The following MLIP variants were observed in gnomAD, a reference collection of about 807,000 sequenced individuals.
MLIP encodes muscular LMNA interacting protein.
Under a neutral mutation model 84.8 loss-of-function variants are expected in MLIP, and 79 were observed. That is an observed-to-expected ratio of 0.93 (90% CI 0.78 to 1.12). MLIP has a LOEUF of 1.12. MLIP is among the 50% of genes most tolerant of loss of function. The pLI is 0.00. For missense variants in MLIP, 1,257 were observed against 1,160.6 expected (o/e 1.08, Z -1.21); for synonymous variants, 504 against 463.0 (o/e 1.09, Z -1.14).
At chr6:54,045,976 G>A (rs892351384) in intron 1 of MLIP, 2 of 152,144 alleles carry the variant, frequency 1.3e-5, no homozygotes, top group African/African-American at 2.4e-5. Flanking sequence ...ACAGCAGTGC[G>A]AGAATGGACT....
At chr6:54,172,991 G>A (rs985050581) in intron 9 of MLIP, among the ~76,000 whole-genome samples, 1 of 151,700 alleles carries the variant, frequency 6.6e-6, no homozygotes, top group African/African-American at 2.4e-5. Context: ...TGAGCCTTAG[G>A]TCACTAGCAG....
chr6:54,234,169 G>T (rs1051099341), intron 12 of MLIP, among the ~76,000 whole-genome samples: 4 of 152,054 alleles, frequency 2.6e-5, no homozygotes, highest in Non-Finnish European at 4.4e-5. Context: ...AGGTTAAGAG[G>T]ATGATGCCTC....
chr6:54,228,043 C>A (rs892840840), intron 11 of MLIP, among the ~76,000 whole-genome samples: 1 of 151,504 alleles, frequency 6.6e-6, no homozygotes, highest in Non-Finnish European at 1.5e-5. Context: ...ATTAGCCGGG[C>A]GTGGTGGTGG....
chr6:54,038,691 C>T (rs2150297417), intron 1 of MLIP, among the ~76,000 whole-genome samples: 1 of 151,960 alleles, frequency 6.6e-6, no homozygotes, highest in African/African-American at 2.4e-5. Flanking sequence ...ACTTTGCTCT[C>T]TGCTTTCAGA....
At chr6:54,092,480 A>G (rs1767931489) in intron 1 of MLIP, among the ~76,000 whole-genome samples, 1 of 152,166 alleles carries the variant, frequency 6.6e-6, no homozygotes, top group African/African-American at 2.4e-5. Context: ...TAGATAGGCA[A>G]GTAGTACCGT....
At chr6:54,239,439 C>A (rs1200963006) in intron 12 of MLIP, among the ~76,000 whole-genome samples, 1 of 146,972 alleles carries the variant, frequency 6.8e-6, no homozygotes, top group African/African-American at 2.6e-5. Flanking sequence ...TATATGTATA[C>A]AATGTTTTGT....
intron 11 of MLIP, chr6:54,216,774 A>G: frequency 1.0e-6 from 1 of 985,434 alleles, no homozygotes; most frequent in Non-Finnish European, 1.2e-6. Flanking sequence ...GTTTCTAAGC[A>G]AGAAGATATG....
chr6:54,177,068 C>A (rs753762156), intron 9 of MLIP, among the ~76,000 whole-genome samples: 1 of 152,126 alleles, frequency 6.6e-6, no homozygotes, highest in Non-Finnish European at 1.5e-5. Flanking sequence ...GAATTAAAGA[C>A]TTAAATGTAA....
chr6:54,083,298 A>G, intron 1 of MLIP: 1 of 436,550 alleles, frequency 2.3e-6, no homozygotes, highest in Non-Finnish European at 3.8e-6. Context: ...CTCAATTTCC[A>G]GGCAAAGAGT....
rs543702026 is a variant in MLIP, at chr6:54,158,029, A to T, written c.2290-2338A>T. ...TGGGATGGTAAAATTTTATCTTTTAAAGTCACTTTTCTGAATTCTTAGGGT... is the reference window on the plus strand; with the variant it reads ...TGGGATGGTAAAATTTTATCTTTTATAGTCACTTTTCTGAATTCTTAGGGT... On this transcript the variant is annotated intron_variant, in intron 5 of 13. Coordinates refer to ENST00000502396, the MANE Select transcript of MLIP (RefSeq NM_001281747.2). Among the ~76,000 whole-genome samples, 4 of 152,172 alleles carry T rather than the reference A, an allele frequency of 2.6e-5. No individual in the cohort carries two copies. In the South Asian group the frequency reaches 8.3e-4, roughly 32 times the overall value.
chr6:54,155,374 A>G (rs1264835767), intron 5 of MLIP, among the ~76,000 whole-genome samples: 2 of 152,164 alleles, frequency 1.3e-5, no homozygotes, highest in African/African-American at 2.4e-5. Flanking sequence ...ATAGCAGGTC[A>G]TATTAACAAA....
intron 1 of MLIP, among the ~76,000 whole-genome samples, chr6:54,074,864 T>A (rs1766701577): frequency 6.6e-6 from 1 of 152,108 alleles, no homozygotes; most frequent in African/African-American, 2.4e-5. Flanking sequence ...AAGCAGTCAA[T>A]AAAAGGAAGT....
chr6:54,221,904 T>A (rs906037008), intron 11 of MLIP, among the ~76,000 whole-genome samples: 1 of 151,970 alleles, frequency 6.6e-6, no homozygotes, highest in Non-Finnish European at 1.5e-5. Context: ...TATACACAAA[T>A]TTATCTGATC....
At chr6:54,208,319 C>T (rs980140123) in intron 11 of MLIP, among the ~76,000 whole-genome samples, 34 of 152,164 alleles carry the variant, frequency 2.2e-4, no homozygotes, top group African/African-American at 7.5e-4. Context: ...CGTGCAGTGG[C>T]TCACGCCTGT....
Position 54,173,851 on chromosome 6 carries a change from C to T in MLIP, c.2544+4279C>T, listed in dbSNP as rs764883453. 1.2e-4 allele frequency among the ~76,000 whole-genome samples: 18 copies of T among 151,554 alleles called. No homozygotes were observed. The East Asian group carries it at 1.4e-3, about 11-fold the overall frequency. ...TAATTCTTTCTATTTTTTTTGTACT[C>T]GATAACCATCCCCACCTCCCCACCC... On this transcript the variant is annotated intron_variant, in intron 9 of 13. Coordinates refer to ENST00000502396, the MANE Select transcript of MLIP (RefSeq NM_001281747.2).
chr6:54,049,601 A>G (rs914398727), intron 1 of MLIP, among the ~76,000 whole-genome samples: 6 of 152,154 alleles, frequency 3.9e-5, no homozygotes, highest in African/African-American at 1.4e-4. Flanking sequence ...CATAATTAAG[A>G]TACAGCTTTA....
chr6:54,141,029 A>G (rs987490029), intron 4 of MLIP, among the ~76,000 whole-genome samples: 3 of 152,176 alleles, frequency 2.0e-5, no homozygotes, highest in Non-Finnish European at 1.5e-5. Flanking sequence ...GATGGCATCT[A>G]ATTAAAACAT....
chr6:54,072,775 C>A (rs575422010), intron 1 of MLIP, among the ~76,000 whole-genome samples: 4 of 152,268 alleles, frequency 2.6e-5, no homozygotes, highest in South Asian at 4.1e-4. Context: ...GCTATCCTTC[C>A]GTCTGTGAAT....
In MLIP at chr6:54,066,279, G is replaced by A. The variant is rs1307457263; in HGVS notation, c.63+47188G>A. On this transcript the variant is annotated intron_variant, in intron 1 of 12. Transcript: ENST00000274897. Reference sequence around the variant, plus strand: ...TGCATGTGCACACACACACAGCCAGGTGTCCTTCTCAAAATAATAAACACA... The same window carrying A: ...TGCATGTGCACACACACACAGCCAGATGTCCTTCTCAAAATAATAAACACA... Among the ~76,000 whole-genome samples, 3 of 99,064 alleles carry A rather than the reference G, an allele frequency of 3.0e-5. 1 individual carries two copies. The highest frequency in any genetic ancestry group is 2.8e-4 in the Admixed American group (3 of 10,642). 65.0% of individuals were successfully genotyped at this position (99,064 alleles called of 152,430 possible).
Sources: allele counts gnomAD v4.1 joint callset (sites outside exome capture counted in the v4.1 genomes callset), GRCh38; gene constraint gnomAD v4.1.1; transcripts MANE v1.5; gene names NCBI Gene and HGNC (gene_info 2026-07-23, HGNC 2026-07-21).